TMEM51: variants seen among roughly 807,000 people sequenced by gnomAD.
TMEM51 encodes transmembrane protein 51.
A neutral mutation model predicts 13.6 loss-of-function variants in TMEM51; 8 were observed. The ratio of observed to expected loss-of-function variants is 0.59; its 90% confidence interval spans 0.35 to 1.07. TMEM51 has a LOEUF of 1.07. Among genes scored for constraint, TMEM51 ranks in the 50% least tolerant of loss-of-function variants. The pLI is 0.02. For synonymous variants in TMEM51, 147 were observed against 144.4 expected (o/e 1.02, Z -0.13); for missense variants, 279 against 330.7 (o/e 0.84, Z 1.21).
At chr1:15,187,756 G>A (rs190510354) in intron 1 of TMEM51, among the ~76,000 whole-genome samples, 5 of 152,242 alleles carry the variant, frequency 3.3e-5, no homozygotes, top group African/African-American at 7.2e-5. Flanking sequence ...TTGCAGCCCC[G>A]GGACTCTGTC....
At chr1:15,205,616 C>T (rs759954378) in intron 1 of TMEM51, among the ~76,000 whole-genome samples, 3 of 152,170 alleles carry the variant, frequency 2.0e-5, no homozygotes, top group South Asian at 2.1e-4. Context: ...TAGGATCAGG[C>T]GTACCCTACC....
chr1:15,170,152 A>G (rs1643194733), intron 1 of TMEM51, among the ~76,000 whole-genome samples: 1 of 152,142 alleles, frequency 6.6e-6, no homozygotes, highest in African/African-American at 2.4e-5. Context: ...TACTGTCATA[A>G]TTATTTTTGA....
chr1:15,182,709 C>A (rs1643659121), intron 1 of TMEM51, among the ~76,000 whole-genome samples: 1 of 152,212 alleles, frequency 6.6e-6, no homozygotes, highest in African/African-American at 2.4e-5. Flanking sequence ...AGATTATTTA[C>A]CTGGTGGCTG....
chr1:15,169,028 A>C (rs967561068), intron 1 of TMEM51, among the ~76,000 whole-genome samples: 3 of 152,220 alleles, frequency 2.0e-5, no homozygotes, highest in African/African-American at 7.2e-5. Context: ...GAAGGACTTA[A>C]GGCACTCCAG....
intron 1 of TMEM51, chr1:15,191,974 T>C (rs2100275232): frequency 1.9e-6 from 1 of 533,672 alleles, no homozygotes; most frequent in South Asian, 1.4e-5. Flanking sequence ...TGAAGCTGCG[T>C]CTACAACAGT....
chr1:15,206,245 A>G (rs6687513), intron 1 of TMEM51, among the ~76,000 whole-genome samples: 2,819 of 67,534 alleles, frequency 0.042, 107 homozygotes, highest in African/African-American at 0.1. Context: ...AAAAAAAAAA[A>G]AGAGAGAGAG....
At position 15,165,297 on chromosome 1, in the gene TMEM51, C is replaced by A. The variant is rs559399786; in HGVS notation, c.-267+11343C>A. Among the ~76,000 whole-genome samples the A allele has an allele frequency of 7.9e-5, 12 of 151,902 alleles. No individual in the cohort carries two copies. In the South Asian group the frequency reaches 2.3e-3, roughly 29 times the overall value. On this transcript the variant is annotated intron_variant, in intron 1 of 3. Transcript: ENST00000376008. Reference sequence around the variant, plus strand: ...TGCCACTGCAGTCCAGTCTGGGTGACCCTGTCTCAAAAAAAAGAAGAAGAA... The same window carrying A: ...TGCCACTGCAGTCCAGTCTGGGTGAACCTGTCTCAAAAAAAAGAAGAAGAA...
chr1:15,161,061 G>T lies in TMEM51; in HGVS notation c.-267+7107G>T, dbSNP rs1642765788. On this transcript the variant is annotated intron_variant, in intron 1 of 3. Coordinates refer to ENST00000376008, the MANE Select transcript of TMEM51 (RefSeq NM_001136218.2). This position sits in a 1 kb window ranked among gnomAD's most constrained non-coding sequence, Gnocchi z 4.0. ...GCAGGTGCAGCCGCCACCGCCAAAGGTCTTCCTGGTGGAGGCAACTGCCTG... is the reference window on the plus strand; with the variant it reads ...GCAGGTGCAGCCGCCACCGCCAAAGTTCTTCCTGGTGGAGGCAACTGCCTG... Among the ~76,000 whole-genome samples, 1 of 152,056 alleles carries T rather than the reference G, an allele frequency of 6.6e-6. No homozygotes were observed. Among genetic ancestry groups the T allele is most frequent in the Admixed American group, 6.5e-5 (1 of 15,276 alleles).
At chr1:15,179,394 A>C (rs181911481) in intron 1 of TMEM51, among the ~76,000 whole-genome samples, 153 of 152,334 alleles carry the variant, frequency 1.0e-3, no homozygotes, top group African/African-American at 3.5e-3. Context: ...ATGGCTACTC[A>C]GCAAGTTAAA....
intron 1 of TMEM51, among the ~76,000 whole-genome samples, chr1:15,164,843 G>GC (rs1642933513): frequency 1.6e-5 from 2 of 125,808 alleles, no homozygotes; most frequent in South Asian, 5.0e-4. Context: ...TCGCTCTGTC[G>GC]CCAGGCCAGA....
chr1:15,155,470 A>C (rs2100802404), intron 1 of TMEM51, among the ~76,000 whole-genome samples: 1 of 152,392 alleles, frequency 6.6e-6, no homozygotes, highest in East Asian at 1.9e-4. Flanking sequence ...TAGCACATGA[A>C]GTATTCTATA....
chr1:15,174,494 A>T (rs955001246), intron 1 of TMEM51, among the ~76,000 whole-genome samples: 13 of 152,112 alleles, frequency 8.5e-5, no homozygotes, highest in African/African-American at 3.1e-4. Flanking sequence ...CTCCTGCCTT[A>T]GCCTTTCAAA....
intron 1 of TMEM51, among the ~76,000 whole-genome samples, chr1:15,179,773 C>T (rs755197337): frequency 2.0e-5 from 3 of 152,132 alleles, no homozygotes; most frequent in Non-Finnish European, 2.9e-5. Flanking sequence ...CAGAGCACGA[C>T]CTTGTCTCAA....
At chr1:15,176,603 A>G (rs1475897846) in intron 1 of TMEM51, among the ~76,000 whole-genome samples, 2 of 152,170 alleles carry the variant, frequency 1.3e-5, no homozygotes, top group African/African-American at 4.8e-5. Flanking sequence ...CTCCTTGGAC[A>G]TGTTCAGGAC....
intron 1 of TMEM51, among the ~76,000 whole-genome samples, chr1:15,200,252 C>CA (rs1182059149): frequency 4.0e-5 from 6 of 151,308 alleles, no homozygotes; most frequent in Non-Finnish European, 3.0e-5. Flanking sequence ...TCCATCTTTA[C>CA]AAAAAAATGC....
At chr1:15,154,451 G>T (rs1389988881) in intron 1 of TMEM51, among the ~76,000 whole-genome samples, 1 of 152,180 alleles carries the variant, frequency 6.6e-6, no homozygotes, top group African/African-American at 2.4e-5. Context: ...AAACACGGGG[G>T]TAAAGAATCG....
chr1:15,197,229 C>G (rs1644067782), intron 1 of TMEM51, among the ~76,000 whole-genome samples: 1 of 152,168 alleles, frequency 6.6e-6, no homozygotes, highest in Non-Finnish European at 1.5e-5. Flanking sequence ...TGTGGGAGGC[C>G]CTGATTGGCC....
intron 1 of TMEM51, among the ~76,000 whole-genome samples, chr1:15,200,939 C>T (rs772277700): frequency 2.4e-4 from 37 of 152,032 alleles, no homozygotes; most frequent in Non-Finnish European, 4.0e-4. Flanking sequence ...AGGATCTCTT[C>T]GTGGGAGTGG....
chr1:15,191,228 C>G (rs1287372873), intron 1 of TMEM51, among the ~76,000 whole-genome samples: 1 of 152,198 alleles, frequency 6.6e-6, no homozygotes, highest in Non-Finnish European at 1.5e-5. Context: ...CCTCTAGAAG[C>G]TGGAAGAGGC....
Sources: allele counts gnomAD v4.1 joint callset (sites outside exome capture counted in the v4.1 genomes callset), GRCh38; gene constraint gnomAD v4.1.1; non-coding constraint Gnocchi (gnomAD v3.1); transcripts MANE v1.5; gene names NCBI Gene and HGNC (gene_info 2026-07-23, HGNC 2026-07-21).